The following HELZ variants were observed in gnomAD, a reference collection of about 807,000 sequenced individuals.
The protein encoded by HELZ is helicase with zinc finger, also known as ATP-dependent RNA helicase with zinc finger domain.
A neutral mutation model predicts 218.2 loss-of-function variants in HELZ; 23 were observed. The ratio of observed to expected loss-of-function variants is 0.11; its 90% CI spans 0.08 to 0.15. The LOEUF (loss-of-function observed/expected upper bound fraction) is 0.15, where lower values mean the gene tolerates loss of function less well. HELZ is among the 10% of genes least tolerant of loss of function. The pLI is 1.00. For missense variants in HELZ, 1,813 were observed against 2,353.7 expected (o/e 0.77, Z 4.75); for synonymous variants, 814 against 829.4 (o/e 0.98, Z 0.32).
chr17:67,244,731 C>G, intron 1 of HELZ: 1 of 983,928 alleles, frequency 1.0e-6, no homozygotes, highest in Non-Finnish European at 1.2e-6. Flanking sequence ...GGGCATCGAG[C>G]GGGGCGTGGG....
At chr17:67,123,285 A>G (rs566251588) in intron 25 of HELZ, 125 bp from the exon 26 acceptor site, 4 of 545,834 alleles carry the variant, frequency 7.3e-6, no homozygotes, top group African/African-American at 3.8e-5. Flanking sequence ...ATCATCAAAG[A>G]ATTATCAGTG....
chr17:67,178,924 G>C lies in HELZ; in HGVS notation c.1165C>G (p.Leu389Val), dbSNP rs2039532302. ...VMIDAASTED[L>V]EYLMHAKQQL... The stretch of plus-strand genomic sequence containing the variant: ...TGTTTTGCATGCATCAGGTATTCGA[G>C]ATCTAAATGGAAACAAAAAACACAT... Residue 389 changes from leucine (L) to valine (V), a missense_variant and splice_region_variant, in exon 13 of 33, where the codon CTC becomes GTC. Coordinates refer to ENST00000358691, the MANE Select transcript of HELZ (RefSeq NM_014877.4). 1 of 1,571,290 alleles carries C rather than the reference G, an allele frequency of 6.4e-7. No homozygotes were observed. Among genetic ancestry groups the C allele is most frequent in the African/African-American group, 1.4e-5 (1 of 72,972 alleles).
chr17:67,092,336 AC>A (rs763405374), intron 31 of HELZ, among the ~76,000 whole-genome samples: 189 of 152,248 alleles, frequency 1.2e-3, no homozygotes, highest in Non-Finnish European at 2.3e-3. Flanking sequence ...AATTATAGCT[AC>A]CCCCCAAGAA....
chr17:67,171,104 G>A lies in HELZ; in HGVS notation c.1431-3308C>T, dbSNP rs574687770. ...TGAACTCCCTCTTCCAAGGACTTCT[G>A]TATGGTAATACTCTCCTAGTTTTCT... On this transcript the variant is annotated intron_variant, in intron 13 of 32. Coordinates refer to ENST00000358691, the MANE Select transcript of HELZ (RefSeq NM_014877.4). 2.7e-5 allele frequency among the ~76,000 whole-genome samples: 4 copies of A among 148,796 alleles called. No individual in the cohort carries two copies. In the East Asian group the frequency reaches 7.9e-4, roughly 29 times the overall value.
In HELZ at chr17:67,172,934, TG is replaced by T. The variant is rs1434836945; in HGVS notation, c.1431-5139del. The T allele has an allele frequency of 1.9e-5, 8 of 422,794 alleles. No individual in the cohort carries two copies. The East Asian group carries it at 1.3e-3, about 67-fold the overall frequency. The allele number at this position is 422,794 out of a possible 1,614,324, so 26.2% of individuals were successfully genotyped here. A position where few individuals can be genotyped will look rare whatever the true frequency, so the allele number is the denominator to read the frequency against. On this transcript the variant is annotated intron_variant, in intron 13 of 32. Coordinates refer to ENST00000358691, the MANE Select transcript of HELZ (RefSeq NM_014877.4). ...AGGCCATATATTAAAGTTTCACTCA[TG>T]TCTATTTGAGAATCACCATCCCAAA...
At chr17:67,167,984 T>G (rs1360471503) in intron 13 of HELZ, among the ~76,000 whole-genome samples, 188 bp from the exon 14 acceptor site, 2 of 151,986 alleles carry the variant, frequency 1.3e-5, no homozygotes, top group Admixed American at 6.6e-5. Flanking sequence ...AAAAAAAATT[T>G]TTTTTTTTGT....
At chr17:67,244,582 CG>C in intron 1 of HELZ, 1 of 768,232 alleles carries the variant, frequency 1.3e-6, no homozygotes, top group Non-Finnish European at 1.5e-6. Context: ...GAGGAGGGGG[CG>C]GGGAAAGGGG....
chr17:67,222,024 T>A (rs531574335), intron 3 of HELZ, among the ~76,000 whole-genome samples: 2 of 151,956 alleles, frequency 1.3e-5, no homozygotes, highest in Non-Finnish European at 2.9e-5. Flanking sequence ...TATTTTTTTG[T>A]AGAGACAGGG....
rs1416990348 is a variant in HELZ, at chr17:67,076,550, G to C, written c.*1702C>G. The C allele has an allele frequency of 1.3e-5, 2 of 152,358 alleles. No individual in the cohort carries two copies. The highest frequency in any genetic ancestry group is 4.8e-5 in the African/African-American group (2 of 41,450). The allele number at this position is 152,358 out of a possible 1,614,324, so 9.4% of individuals were successfully genotyped here. A position where few individuals can be genotyped will look rare whatever the true frequency, so the allele number is the denominator to read the frequency against. On this transcript the variant is annotated 3_prime_UTR_variant, in exon 33 of 33. Transcript: ENST00000358691. Reference sequence around the variant, plus strand: ...AAATGAACCGCACTCTTAGCAGAAAGGTAGAGCTGAATACAAGAGGCACGC... The same window carrying C: ...AAATGAACCGCACTCTTAGCAGAAACGTAGAGCTGAATACAAGAGGCACGC...
chr17:67,108,330 G>T lies in HELZ; in HGVS notation c.4724+162C>A. ...AGAGTTACTTCTAAATGAGTTTTCT[G>T]TATTTTAGAGTCAACAAGAGAACTG... On this transcript the variant is annotated intron_variant, in intron 30 of 32. Transcript: ENST00000358691. The surrounding 1 kb of genome is among the most constrained non-coding windows in gnomAD (Gnocchi z 4.1). 1 of 592,018 alleles carries T rather than the reference G, an allele frequency of 1.7e-6. No individual in the cohort carries two copies. The highest frequency in any genetic ancestry group is 3.0e-6 in the Non-Finnish European group (1 of 334,278). 36.7% of individuals were successfully genotyped at this position (592,018 alleles called of 1,614,324 possible).
intron 17 of HELZ, among the ~76,000 whole-genome samples, chr17:67,154,209 C>G (rs2038772129): frequency 6.6e-6 from 1 of 152,234 alleles, no homozygotes; most frequent in Non-Finnish European, 1.5e-5. Context: ...GGGTGGAACA[C>G]TTGAGGCCAG....
At chr17:67,130,433 C>A (rs901082467) in intron 23 of HELZ, among the ~76,000 whole-genome samples, 1 of 151,926 alleles carries the variant, frequency 6.6e-6, no homozygotes, top group Non-Finnish European at 1.5e-5. Context: ...ATGTAAACAA[C>A]AGAAAAAGTA....
rs1257877766 is a variant in HELZ at position 67,138,134 on chromosome 17, C to G, written c.2770-20G>C. 6.3e-7 allele frequency: 1 copy of G among 1,578,108 alleles called. No individual in the cohort carries two copies. The highest frequency in any genetic ancestry group is 2.3e-5 in the East Asian group (1 of 44,146). On this transcript the variant is annotated intron_variant, in intron 21 of 32. Coordinates refer to ENST00000358691, the MANE Select transcript of HELZ (RefSeq NM_014877.4). ...AAACACCTTTAAAAACAAACACACA[C>G]ATACATATTAAAGTTATCACCAATG...
At chr17:67,094,918 C>G (rs967383829) in intron 31 of HELZ, among the ~76,000 whole-genome samples, 1 of 152,074 alleles carries the variant, frequency 6.6e-6, no homozygotes, top group African/African-American at 2.4e-5. Context: ...TGCTCACTGA[C>G]CAGGGTGGTG....
chr17:67,071,657 G>A lies in HELZ; in HGVS notation c.*6595C>T, dbSNP rs1177899180. On this transcript the variant is annotated 3_prime_UTR_variant, in exon 33 of 33. Transcript: ENST00000358691. The stretch of plus-strand genomic sequence containing the variant: ...AGAAGCAGAGCCCAGTACCCCCCAA[G>A]ATGCAGTCCAGATAAAACAGCAACA... 1.3e-5 allele frequency: 2 copies of A among 152,100 alleles called. No individual in the cohort carries two copies. Among genetic ancestry groups the A allele is most frequent in the African/African-American group, 4.8e-5 (2 of 41,390 alleles). The allele number at this position is 152,100 out of a possible 1,614,324, so 9.4% of individuals were successfully genotyped here. A position where few individuals can be genotyped will look rare whatever the true frequency, so the allele number is the denominator to read the frequency against.
chr17:67,124,625 A>T (rs1313091413), intron 24 of HELZ, among the ~76,000 whole-genome samples: 1 of 152,210 alleles, frequency 6.6e-6, no homozygotes, highest in Non-Finnish European at 1.5e-5. Flanking sequence ...AGCATCAAAA[A>T]TGTACATACG....
rs1218884348 is a variant in HELZ at position 67,151,221 on chromosome 17, T to C, written c.2181A>G (p.Val727=). ...AGNPQARPLR[V]YFRNRWVKTV... is the part of the protein sequence containing the mutation. ...TCTTTACCCAGCGATTTCTGAAATA[T>C]ACCCTGGAAAAGAAGAAAATATTTC... Residue 727 remains valine, a synonymous_variant, in exon 18 of 33, where the codon GTA becomes GTG. Transcript: ENST00000358691. 6 of 1,603,046 alleles carry C rather than the reference T, an allele frequency of 3.7e-6. No individual in the cohort carries two copies. The South Asian group carries it at 6.7e-5, about 18-fold the overall frequency.
chr17:67,156,986 T>C (rs1270527724), intron 17 of HELZ, among the ~76,000 whole-genome samples: 1 of 152,090 alleles, frequency 6.6e-6, no homozygotes, highest in African/African-American at 2.4e-5. Flanking sequence ...ATAAGTAAGC[T>C]TTTGCTCTGA....
chr17:67,138,153 A>G (rs754968360), intron 21 of HELZ, 39 bp from the exon 22 acceptor site: 2 of 1,480,560 alleles, frequency 1.4e-6, no homozygotes, highest in East Asian at 4.8e-5. Flanking sequence ...TAAAGTTATC[A>G]CCAATGTTTG....
Sources: allele counts gnomAD v4.1 joint callset (sites outside exome capture counted in the v4.1 genomes callset), GRCh38; gene constraint gnomAD v4.1.1; non-coding constraint Gnocchi (gnomAD v3.1); transcripts MANE v1.5; gene names NCBI Gene and HGNC (gene_info 2026-07-23, HGNC 2026-07-21).